The following PDCD2 variants were observed in gnomAD, a reference collection of about 807,000 sequenced individuals.
PDCD2 encodes uS5 assembly chaperone PDCD2.
In PDCD2, 38 loss-of-function variants were observed where a neutral mutation model predicts 38.1. The observed-to-expected ratio is 1.00, with a 90% CI of 0.77 to 1.31. The LOEUF (loss-of-function observed/expected upper bound fraction) is 1.31. Ranked by LOEUF, PDCD2 falls within the 50% of genes most tolerant of loss-of-function variation. The pLI is 0.00. For synonymous variants in PDCD2, 205 were observed against 168.9 expected, an observed-to-expected ratio of 1.21 and a Z score of -1.66; for missense variants, 473 against 435.7, an observed-to-expected ratio of 1.09 and a Z score of -0.76.
intron 5 of PDCD2, 193 bp downstream of exon 5, chr6:170,578,664 A>C: frequency 2.8e-6 from 2 of 704,070 alleles, no homozygotes; most frequent in Non-Finnish European, 5.2e-6. Flanking sequence ...AAACTAGGAA[A>C]CAGAAAAAAA....
intron 4 of PDCD2, chr6:170,579,730 C>T (rs1190003178): frequency 1.2e-5 from 3 of 243,864 alleles, no homozygotes; most frequent in African/African-American, 6.7e-5. Context: ...TCATTCATCT[C>T]CCATCCCTGA....
intron 5 of PDCD2, among the ~76,000 whole-genome samples, chr6:170,578,006 TG>T (rs1215772261): frequency 2.0e-5 from 3 of 152,234 alleles, no homozygotes; most frequent in African/African-American, 7.2e-5. Context: ...GGCTTCTATT[TG>T]GGCAACTTTT....
chr6:170,579,453 A>G (rs1437439154), intron 4 of PDCD2: 1 of 156,618 alleles, frequency 6.4e-6, no homozygotes, highest in East Asian at 1.9e-4. Context: ...TATTTTGTCT[A>G]AAAGCATATG....
Position 170,575,400 on chromosome 6 carries a change from C to G in PDCD2, c.*2159G>C, listed in dbSNP as rs1174411655. ...AAGGCAAAGCTGAATATGCTGCTCT[C>G]TACAGCAGAGGGAGCTGCTGTGGCT... On this transcript the variant is annotated 3_prime_UTR_variant, in exon 6 of 6. Coordinates refer to ENST00000541970, the MANE Select transcript of PDCD2 (RefSeq NM_002598.4). 6.6e-6 allele frequency: 1 copy of G among 151,992 alleles called. No homozygotes were observed. Among genetic ancestry groups the G allele is most frequent in the Admixed American group, 6.5e-5 (1 of 15,274 alleles). The allele number at this position is 151,992 out of a possible 1,614,324, so 9.4% of individuals were successfully genotyped here. A position where few individuals can be genotyped will look rare whatever the true frequency, so the allele number is the denominator to read the frequency against.
At chr6:170,580,588 G>T (rs1779566107) in intron 3 of PDCD2, among the ~76,000 whole-genome samples, 1 of 152,110 alleles carries the variant, frequency 6.6e-6, no homozygotes, top group South Asian at 2.1e-4. Context: ...GGTGGTAGGT[G>T]CCTGTAATCC....
chr6:170,584,475 G>A lies in PDCD2; in HGVS notation c.107C>T (p.Ala36Val). 2.3e-6 allele frequency: 3 copies of A among 1,314,524 alleles called. No individual in the cohort carries two copies. The highest frequency in any genetic ancestry group is 8.1e-5 in the Admixed American group (2 of 24,838). 81.4% of individuals were successfully genotyped at this position (1,314,524 alleles called of 1,614,324 possible). Residue 36 changes from alanine to valine, a missense_variant, in exon 1 of 6, where the codon GCA (alanine) becomes GTA (valine). By Grantham distance (64) the Ala-to-Val change is moderately conservative (BLOSUM62 0). Transcript: ENST00000541970. Reference sequence around the variant, plus strand: ...CGGCAGCCCGGCCGCGCCCAGCCATGCCGGCCGCCCGCCCACCTTGCTGGG... The same window carrying A: ...CGGCAGCCCGGCCGCGCCCAGCCATACCGGCCGCCCGCCCACCTTGCTGGG... ...QFPSKVGGRP[A>V]WLGAAGLPGP...
chr6:170,581,516 C>T (rs1053283010), intron 3 of PDCD2: 1 of 152,488 alleles, frequency 6.6e-6, no homozygotes, highest in Non-Finnish European at 1.5e-5. Context: ...TATCCTTAAT[C>T]TTTGATATGA....
chr6:170,579,949 C>T (rs1489820755), intron 4 of PDCD2, 53 bp downstream of exon 4: 2 of 910,974 alleles, frequency 2.2e-6, no homozygotes, highest in Non-Finnish European at 3.7e-6. Context: ...AGATTATACT[C>T]ATAAAACATG....
Position 170,584,304 on chromosome 6 carries a change from A to G in PDCD2, c.278T>C (p.Leu93Pro). 6.9e-7 allele frequency: 1 copy of G among 1,454,892 alleles called. No homozygotes were observed. The allele number at this position is 1,454,892 out of a possible 1,614,324, so 90.1% of individuals were successfully genotyped here. The change falls in exon 1 of 6, where the codon CTG (leucine) becomes CCG (proline). Residue 93 changes from leucine (L) to proline (P), a missense_variant. Transcript: ENST00000541970. ...GACCCCGTTTGGCGGCTCACCTCGC[A>G]GGCCGGCACAGCACGGCTGCTCGCG... ...CCREQPCCAGLRVFRNQLPRK... is the reference protein window; with the variant it reads ...CCREQPCCAGPRVFRNQLPRK...
intron 3 of PDCD2, chr6:170,582,317 G>A (rs1398233493): frequency 6.5e-7 from 1 of 1,532,624 alleles, no homozygotes; most frequent in Non-Finnish European, 8.7e-7. Flanking sequence ...ACATGTTTTG[G>A]AATGTATGAC....
At position 170,580,183 on chromosome 6, in the gene PDCD2, C is replaced by T. The variant is rs534096479; in HGVS notation, c.659-78G>A. 30 of 758,608 alleles carry T rather than the reference C, an allele frequency of 4.0e-5. No homozygotes were observed. The African/African-American group carries it at 5.2e-4, about 13-fold the overall frequency. The allele number at this position is 758,608 out of a possible 1,614,324, so 47.0% of individuals were successfully genotyped here. A position where few individuals can be genotyped will look rare whatever the true frequency, so the allele number is the denominator to read the frequency against. On this transcript the variant is annotated intron_variant, in intron 3 of 5. Transcript: ENST00000541970. ...ACAATTCACACATGGAGAGGGGACC[C>T]ACTTTTAATCAGATAGCTTTCCCTA... is the stretch of plus-strand genomic sequence containing the variant.
At chr6:170,577,769 G>A (rs528475193) in intron 5 of PDCD2, 52 bp from the exon 6 acceptor site, 23 of 1,574,388 alleles carry the variant, frequency 1.5e-5, no homozygotes, top group East Asian at 4.5e-5. Context: ...CAGGGAGCAC[G>A]AGACCTTCTC....
At position 170,576,089 on chromosome 6, in the gene PDCD2, C is replaced by G. The variant is rs956561893; in HGVS notation, c.*1470G>C. The G allele has an allele frequency of 6.6e-6, 1 of 152,148 alleles. No homozygotes were observed. The highest frequency in any genetic ancestry group is 1.5e-5 in the Non-Finnish European group (1 of 68,038). The allele number at this position is 152,148 out of a possible 1,614,324, so 9.4% of individuals were successfully genotyped here. On this transcript the variant is annotated 3_prime_UTR_variant, in exon 6 of 6. Coordinates refer to ENST00000541970, the MANE Select transcript of PDCD2 (RefSeq NM_002598.4). ...CTCCAGTAGCCACAGGGCTGTGACA[C>G]CATAGTTATAGGTGATTTTCATAGA...
Position 170,584,392 on chromosome 6 carries a change from C to A in PDCD2, c.190G>T (p.Val64Leu). ...GGGCGGCCAGGCAGCGGCGCATACA[C>A]CTGCAGCAGGAAGGAGAGCGGGCGG... Reference protein sequence around the residue: ...CGRPLSFLLQVYAPLPGRPDA... With the variant: ...CGRPLSFLLQLYAPLPGRPDA... Residue 64 changes from valine (V) to leucine (L), a missense_variant, in exon 1 of 6, where the codon GTG becomes TTG. By Grantham distance (32) the Val-to-Leu change is conservative. Transcript: ENST00000541970. 6.9e-7 allele frequency: 1 copy of A among 1,457,790 alleles called. No individual in the cohort carries two copies. The highest frequency in any genetic ancestry group is 9.0e-7 in the Non-Finnish European group (1 of 1,109,920). The allele number at this position is 1,457,790 out of a possible 1,614,324, so 90.3% of individuals were successfully genotyped here.
At chr6:170,582,104 G>A (rs1345211019) in intron 3 of PDCD2, 50 of 1,529,688 alleles carry the variant, frequency 3.3e-5, no homozygotes, top group Non-Finnish European at 3.9e-5. Context: ...ACACACGCGC[G>A]GCCCCTTCCA....
intron 3 of PDCD2, among the ~76,000 whole-genome samples, chr6:170,580,654 G>A (rs187814528): frequency 6.6e-6 from 1 of 152,156 alleles, no homozygotes; most frequent in Non-Finnish European, 1.5e-5. Context: ...GGCAGAGGCT[G>A]CAGTGAACCG....
chr6:170,577,554 T>C lies in PDCD2; in HGVS notation c.*5A>G. ...ATTAACATTTTTCAAGGCTTTAAGA[T>C]GCCTTTACGGTGTATCTGTTACATC... is the stretch of plus-strand genomic sequence containing the variant. On this transcript the variant is annotated 3_prime_UTR_variant, in exon 6 of 6. Coordinates refer to ENST00000541970, the MANE Select transcript of PDCD2 (RefSeq NM_002598.4). The C allele has an allele frequency of 6.2e-7, 1 of 1,610,820 alleles. No individual in the cohort carries two copies. Among genetic ancestry groups the C allele is most frequent in the South Asian group, 1.1e-5 (1 of 90,844 alleles).
At position 170,583,446 on chromosome 6, in the gene PDCD2, A is replaced by G. The variant is rs546205940; in HGVS notation, c.526+59T>C. 115 of 1,546,280 alleles carry G rather than the reference A, an allele frequency of 7.4e-5. 1 individual carries two copies. The South Asian group carries it at 1.3e-3, about 18-fold the overall frequency. ...TTTTACCTTTAAAGTTGTCCTGGAA[A>G]TATCTGGGTTGACAAAGGCGATGAA... On this transcript the variant is annotated intron_variant, in intron 2 of 5. Transcript: ENST00000541970.
At chr6:170,582,488 T>A in intron 3 of PDCD2, 1 of 1,380,622 alleles carries the variant, frequency 7.2e-7, no homozygotes, top group Non-Finnish European at 9.4e-7. Flanking sequence ...ACCTTCAAAA[T>A]GGGGCAGTTT....
Sources: allele counts gnomAD v4.1 joint callset (sites outside exome capture counted in the v4.1 genomes callset), GRCh38; gene constraint gnomAD v4.1.1; transcripts MANE v1.5; gene names NCBI Gene and HGNC (gene_info 2026-07-23, HGNC 2026-07-21).